Variants in CDH18 observed in about 807,000 individuals in gnomAD.
CDH18 encodes the protein cadherin-18.
A neutral mutation model predicts 67.9 loss-of-function variants in CDH18; 31 were observed. The ratio of observed to expected loss-of-function variants is 0.46; its 90% CI spans 0.34 to 0.62. The LOEUF is 0.62. Among genes scored for constraint, CDH18 ranks in the 20% least tolerant of loss-of-function variants. The pLI, the probability that CDH18 is intolerant of heterozygous loss-of-function variation, is 0.01. For synonymous variants in CDH18, 362 were observed against 347.2 expected (o/e 1.04, Z -0.48); for missense variants, 890 against 975.5 (o/e 0.91, Z 1.17).
At chr5:19,915,909 A>G (rs1791726434) in intron 2 of CDH18, among the ~76,000 whole-genome samples, 3 of 152,172 alleles carry the variant, frequency 2.0e-5, no homozygotes, top group Non-Finnish European at 4.4e-5. Flanking sequence ...TAATCTATTA[A>G]CAGAACGTAT....
chr5:19,907,430 C>G (rs1242153931), intron 2 of CDH18, among the ~76,000 whole-genome samples: 1 of 151,956 alleles, frequency 6.6e-6, no homozygotes, highest in African/African-American at 2.4e-5. Flanking sequence ...ACACCTTATA[C>G]ACATAGCCTG....
intron 2 of CDH18, among the ~76,000 whole-genome samples, chr5:20,245,547 G>A (rs1031057476): frequency 6.6e-6 from 1 of 152,022 alleles, no homozygotes; most frequent in African/African-American, 2.4e-5. Flanking sequence ...AATCAGAAAA[G>A]TAATACCTTT....
Position 19,520,695 on chromosome 5 carries a change from A to T in CDH18, c.1474T>A (p.Tyr492Asn). The change falls in exon 10 of 13, where the codon TAT (tyrosine) becomes AAT (asparagine). Residue 492 changes from tyrosine to asparagine, a missense_variant. Tyr to Asn is a moderately radical substitution (Grantham distance 143, BLOSUM62 -2). Coordinates refer to ENST00000382275, the MANE Select transcript of CDH18 (RefSeq NM_004934.5). ...GAATTTTCACATACAATAATATCAT[A>T]TTCCCTGGCAAGTTCGGGTGGATTG... ...NDNPPELARE[Y>N]DIIVCENSKP... 1.9e-6 allele frequency: 3 copies of T among 1,613,426 alleles called. No homozygotes were observed. Among genetic ancestry groups the T allele is most frequent in the Non-Finnish European group, 2.5e-6 (3 of 1,179,606 alleles).
intron 1 of CDH18, among the ~76,000 whole-genome samples, chr5:20,398,306 A>T (rs1036753363): frequency 1.3e-5 from 2 of 152,212 alleles, no homozygotes; most frequent in African/African-American, 2.4e-5. Flanking sequence ...CTTAAAATGT[A>T]TACAGATGAA....
intron 1 of CDH18, among the ~76,000 whole-genome samples, chr5:20,471,697 G>A (rs150077603): frequency 0.019 from 2,877 of 151,638 alleles, 30 homozygotes; most frequent in Non-Finnish European, 0.029. Flanking sequence ...AGCTACTCGG[G>A]ATGCTGAGGC....
intron 2 of CDH18, among the ~76,000 whole-genome samples, chr5:19,999,895 C>T (rs1579995966): frequency 6.6e-6 from 1 of 152,164 alleles, no homozygotes; most frequent in Admixed American, 6.5e-5. Flanking sequence ...TCAAGCTCCA[C>T]TTATCTTGTT....
At chr5:20,289,818 G>A (rs1746972247) in intron 1 of CDH18, among the ~76,000 whole-genome samples, 1 of 151,926 alleles carries the variant, frequency 6.6e-6, no homozygotes, top group South Asian at 2.1e-4. Flanking sequence ...TCTGTCAATA[G>A]GGTCACCAGA....
At chr5:20,202,186 G>C (rs1739501736) in intron 2 of CDH18, among the ~76,000 whole-genome samples, 1 of 152,162 alleles carries the variant, frequency 6.6e-6, no homozygotes, top group South Asian at 2.1e-4. Context: ...AATTTGTAAA[G>C]TGGAGCATTC....
intron 1 of CDH18, among the ~76,000 whole-genome samples, chr5:20,318,998 C>G (rs1000233967): frequency 9.9e-5 from 15 of 152,132 alleles, no homozygotes; most frequent in Non-Finnish European, 2.1e-4. Context: ...TTATTGTGCC[C>G]TAGGCTGCTC....
intron 1 of CDH18, among the ~76,000 whole-genome samples, chr5:20,447,808 T>G (rs1235464532): frequency 6.6e-6 from 1 of 152,218 alleles, no homozygotes; most frequent in Non-Finnish European, 1.5e-5. Context: ...TACTCACACA[T>G]GAGTTATCCT....
chr5:19,894,841 G>T (rs1394817843), intron 2 of CDH18, among the ~76,000 whole-genome samples: 1 of 152,060 alleles, frequency 6.6e-6, no homozygotes. Context: ...TGTCACACTT[G>T]CCTGAAGAAT....
intron 3 of CDH18, among the ~76,000 whole-genome samples, chr5:19,821,142 T>C (rs1779827230): frequency 6.6e-6 from 1 of 152,026 alleles, no homozygotes; most frequent in Admixed American, 6.6e-5. Flanking sequence ...GATTCAGAGT[T>C]TGGATGGCAA....
chr5:20,305,095 C>A, intron 1 of CDH18: 1 of 1,569,112 alleles, frequency 6.4e-7, no homozygotes, highest in African/African-American at 1.4e-5. Flanking sequence ...GGCGGTAGGG[C>A]CATTTGCAGC....
At chr5:20,099,173 G>T (rs560159797) in intron 2 of CDH18, among the ~76,000 whole-genome samples, 1 of 152,266 alleles carries the variant, frequency 6.6e-6, no homozygotes, top group South Asian at 2.1e-4. Flanking sequence ...AACACTGTGT[G>T]AATAAACATA....
chr5:20,044,701 T>A (rs997022121), intron 2 of CDH18, among the ~76,000 whole-genome samples: 1 of 152,126 alleles, frequency 6.6e-6, no homozygotes, highest in South Asian at 2.1e-4. Flanking sequence ...ATCACTGAGC[T>A]AGATTTATGT....
At chr5:20,396,601 A>T (rs1189926810) in intron 1 of CDH18, among the ~76,000 whole-genome samples, 1 of 152,010 alleles carries the variant, frequency 6.6e-6, no homozygotes, top group Non-Finnish European at 1.5e-5. Context: ...AAATCAATGA[A>T]TCGGGCAAAT....
intron 1 of CDH18, among the ~76,000 whole-genome samples, chr5:20,340,330 G>T (rs953273010): frequency 1.3e-5 from 2 of 152,106 alleles, no homozygotes; most frequent in Admixed American, 6.6e-5. Flanking sequence ...TGGCCACCTC[G>T]TCTTTTACAA....
At chr5:19,621,599 T>G (rs185521328) in intron 5 of CDH18, among the ~76,000 whole-genome samples, 524 of 152,276 alleles carry the variant, frequency 3.4e-3, no homozygotes, top group Non-Finnish European at 6.4e-3. Context: ...TGATCTTACT[T>G]ATATGAGGAA....
At chr5:19,693,494 A>G (rs888434248) in intron 5 of CDH18, among the ~76,000 whole-genome samples, 1 of 152,176 alleles carries the variant, frequency 6.6e-6, no homozygotes, top group Non-Finnish European at 1.5e-5. Context: ...CTCTTCATAT[A>G]TCCATTCTGG....
Sources: gnomAD v4.1 joint callset for allele counts (sites outside exome capture counted in the v4.1 genomes callset) on GRCh38, gnomAD v4.1.1 for gene constraint, MANE v1.5 for transcripts, NCBI Gene and HGNC (gene_info 2026-07-23, HGNC 2026-07-21) for gene names.